The following SYNE1 variants were observed in gnomAD, a reference collection of about 807,000 sequenced individuals.
SYNE1 encodes spectrin repeat containing nuclear envelope protein 1.
In SYNE1, 616 loss-of-function variants were observed where a neutral mutation model predicts 1,111.0. That is an observed-to-expected ratio of 0.55 (90% CI 0.52 to 0.59). SYNE1 has a LOEUF of 0.59. Ranked by LOEUF, SYNE1 falls within the 20% of genes least tolerant of loss-of-function variation. SYNE1 has a pLI of 0.00. For missense variants in SYNE1, 10,006 were observed against 10,417.0 expected (o/e 0.96, Z 1.72); for synonymous variants, 3,855 against 3,825.8 (o/e 1.01, Z -0.28).
intron 4 of SYNE1, among the ~76,000 whole-genome samples, chr6:152,538,252 T>A (rs1229710894): frequency 6.6e-6 from 1 of 152,160 alleles, no homozygotes; most frequent in Non-Finnish European, 1.5e-5. Flanking sequence ...ATACCAGGAC[T>A]TTCACTGTAG....
At position 152,330,768 on chromosome 6, in the gene SYNE1, G is replaced by A. The variant is rs753598358; in HGVS notation, c.13917C>T (p.Ser4639=). The change falls in exon 78 of 146, where the codon TCC becomes TCT. Residue 4639 remains serine (S), a synonymous_variant. Transcript: ENST00000367255. ...AAGCATTTAGCTTTTCACTGAGGTA[G>A]GAATGATCGACTTCATTCAGCGATG... ...ILPSLNEVDH[S]YLSEKLNALP... 3.5e-5 allele frequency: 57 copies of A among 1,613,804 alleles called. 2 individuals carry two copies. The South Asian group carries it at 5.9e-4, about 17-fold the overall frequency.
chr6:152,326,470 C>T lies in SYNE1; in HGVS notation c.15119G>A (p.Ser5040Asn), dbSNP rs1232704894. 3.1e-6 allele frequency: 5 copies of T among 1,614,092 alleles called. No homozygotes were observed. In the African/African-American group the frequency reaches 4.0e-5, roughly 13 times the overall value. Residue 5040 changes from serine to asparagine, a missense_variant, in exon 79 of 146, where the codon AGT becomes AAT. Around this residue, in one of 7 missense-constraint regions of SYNE1, gnomAD observed 4,955 missense variants for 5,017.2 expected, o/e 0.99. Transcript: ENST00000367255. ...GTTACTATGGAACTGATCCTCTGTA[C>T]TGAAAAATTCCATGTGGCTTTTGAG... The part of the protein sequence containing the change: ...ENLKSHMEFF[S>N]TEDQFHSNLE...
At chr6:152,573,821 A>G (rs2099483799) in intron 3 of SYNE1, among the ~76,000 whole-genome samples, 1 of 152,166 alleles carries the variant, frequency 6.6e-6, no homozygotes, top group South Asian at 2.1e-4. Flanking sequence ...GCATCTACCC[A>G]TCCTAAAAGA....
At chr6:152,487,813 C>T (rs986724206) in intron 12 of SYNE1, among the ~76,000 whole-genome samples, 3 of 152,118 alleles carry the variant, frequency 2.0e-5, no homozygotes, top group Admixed American at 6.5e-5. Flanking sequence ...TGGTGGCTCA[C>T]GCCTGTAATC....
At position 152,294,108 on chromosome 6, in the gene SYNE1, G is replaced by C; in HGVS notation, c.17702C>G (p.Ala5901Gly). 6.2e-7 allele frequency: 1 copy of C among 1,613,642 alleles called. No homozygotes were observed. Among genetic ancestry groups the C allele is most frequent in the Non-Finnish European group, 8.5e-7 (1 of 1,180,002 alleles). ...SVNQDIAYYQ[A>G]LSAERLQTDA... Reference sequence around the variant, plus strand: ...TGTCTGCAACCTCTCAGCAGACAAGGCTTGGTAATATGCAATGTCCTGTGA... The same window carrying C: ...TGTCTGCAACCTCTCAGCAGACAAGCCTTGGTAATATGCAATGTCCTGTGA... Residue 5901 changes from alanine (A) to glycine (G), a missense_variant, in exon 94 of 146, where the codon GCC (alanine) becomes GGC (glycine). Physicochemically the swap from Ala to Gly is moderately conservative, Grantham distance 60. This residue lies in a region of SYNE1 where 4,955 missense variants were observed against 5,017.2 expected (regional missense o/e 0.99). Coordinates refer to ENST00000367255, the MANE Select transcript of SYNE1 (RefSeq NM_182961.4).
intron 3 of SYNE1, among the ~76,000 whole-genome samples, chr6:152,597,172 C>T (rs746856063): frequency 2.0e-4 from 31 of 152,324 alleles, no homozygotes; most frequent in African/African-American, 6.5e-4. Context: ...TTTTGAGCAA[C>T]ATGTTTTCCC....
intron 3 of SYNE1, among the ~76,000 whole-genome samples, chr6:152,564,952 G>A (rs914643324): frequency 6.6e-6 from 1 of 152,134 alleles, no homozygotes; most frequent in African/African-American, 2.4e-5. Context: ...TAAATGCTGT[G>A]TCCAACACTT....
At chr6:152,633,578 C>A (rs894727441) in intron 2 of SYNE1, among the ~76,000 whole-genome samples, 6 of 152,004 alleles carry the variant, frequency 3.9e-5, no homozygotes, top group African/African-American at 7.3e-5. Flanking sequence ...TTTTTTTGTT[C>A]AGGACACAGA....
At chr6:152,427,988 G>T (rs1339207557) in intron 37 of SYNE1, among the ~76,000 whole-genome samples, 172 bp from the exon 38 acceptor site, 1 of 152,072 alleles carries the variant, frequency 6.6e-6, no homozygotes, top group African/African-American at 2.4e-5. Flanking sequence ...TTGTGTCCCT[G>T]CACTCACATT....
Position 152,308,506 on chromosome 6 carries a change from G to C in SYNE1, c.17329C>G (p.Gln5777Glu). ...ATSNIQELQA[Q>E]ISRHEELAQK... Reference sequence around the variant, plus strand: ...CCTCTCACCTCATGCCGAGAAATCTGAGCCTGCAGCTCCTGTATGTTACTG... The same window carrying C: ...CCTCTCACCTCATGCCGAGAAATCTCAGCCTGCAGCTCCTGTATGTTACTG... The change falls in exon 91 of 146, where the codon CAG becomes GAG. Residue 5777 changes from glutamine (Q) to glutamate (E), a missense_variant. Around this residue, in one of 7 missense-constraint regions of SYNE1, gnomAD observed 4,955 missense variants for 5,017.2 expected, o/e 0.99. Coordinates refer to ENST00000367255, the MANE Select transcript of SYNE1 (RefSeq NM_182961.4). 1 of 1,614,054 alleles carries C rather than the reference G, an allele frequency of 6.2e-7. No homozygotes were observed. The highest frequency in any genetic ancestry group is 8.5e-7 in the Non-Finnish European group (1 of 1,180,030).
intron 3 of SYNE1, among the ~76,000 whole-genome samples, chr6:152,603,930 T>A (rs1055317140): frequency 4.8e-5 from 7 of 146,056 alleles, no homozygotes; most frequent in South Asian, 4.3e-4. Context: ...CATATATGTA[T>A]ATGTATATAG....
At chr6:152,420,445 C>A (rs184911679) in intron 39 of SYNE1, among the ~76,000 whole-genome samples, 95 of 152,254 alleles carry the variant, frequency 6.2e-4, no homozygotes, top group African/African-American at 2.0e-3. Flanking sequence ...CACAGCAAAA[C>A]TCCATTTCTA....
chr6:152,180,343 G>T, intron 128 of SYNE1, 49 bp from the exon 129 acceptor site: 1 of 1,574,194 alleles, frequency 6.4e-7, no homozygotes, highest in Non-Finnish European at 8.7e-7. Context: ...TCAGAGAGAA[G>T]ACCACACTCC....
At chr6:152,169,906 C>A (rs1156707015) in intron 130 of SYNE1, among the ~76,000 whole-genome samples, 1 of 151,896 alleles carries the variant, frequency 6.6e-6, no homozygotes, top group Non-Finnish European at 1.5e-5. Context: ...ATAAAACAAT[C>A]ATTCTTCTTA....
intron 104 of SYNE1, among the ~76,000 whole-genome samples, chr6:152,253,506 G>A (rs191199799): frequency 1.3e-5 from 2 of 152,248 alleles, no homozygotes; most frequent in Admixed American, 6.5e-5. Flanking sequence ...AAGTCAAGCC[G>A]CAAAGTTATA....
intron 145 of SYNE1, among the ~76,000 whole-genome samples, chr6:152,124,654 C>T (rs951963835): frequency 4.0e-5 from 6 of 151,678 alleles, no homozygotes; most frequent in Non-Finnish European, 7.4e-5. Context: ...ATTAACTGCC[C>T]TTGTGCTAAG....
At chr6:152,338,452 T>G (rs2096456052) in intron 75 of SYNE1, among the ~76,000 whole-genome samples, 1 of 151,928 alleles carries the variant, frequency 6.6e-6, no homozygotes, top group African/African-American at 2.4e-5. Flanking sequence ...CGAAGCCCTG[T>G]CTCTACAAAA....
At chr6:152,359,977 C>T (rs910703577) in intron 64 of SYNE1, among the ~76,000 whole-genome samples, 4 of 152,184 alleles carry the variant, frequency 2.6e-5, no homozygotes, top group African/African-American at 4.8e-5. Context: ...CCCCACATCT[C>T]CTGCAAACTC....
intron 91 of SYNE1, among the ~76,000 whole-genome samples, chr6:152,305,481 T>C (rs749635910): frequency 2.0e-5 from 3 of 152,090 alleles, no homozygotes; most frequent in Non-Finnish European, 4.4e-5. Context: ...GCCAGGCTGG[T>C]CTCAAACTCC....
Sources: allele counts gnomAD v4.1 joint callset (sites outside exome capture counted in the v4.1 genomes callset), GRCh38; gene constraint gnomAD v4.1.1; regional missense constraint gnomAD v4.1.1; transcripts MANE v1.5; gene names NCBI Gene and HGNC (gene_info 2026-07-23, HGNC 2026-07-21).